The following ATP2B2 variants were observed in gnomAD, a reference collection of about 807,000 sequenced individuals.
ATP2B2 encodes ATPase plasma membrane Ca2+ transporting 2.
ATP2B2 carries 15 observed loss-of-function variants against 120.0 expected under a neutral mutation model. That is an observed-to-expected ratio of 0.12 (90% CI 0.08 to 0.19). The LOEUF (loss-of-function observed/expected upper bound fraction) is 0.19, where lower values mean the gene tolerates loss of function less well. Ranked by LOEUF, ATP2B2 falls within the 10% of genes least tolerant of loss-of-function variation. The pLI, the probability that ATP2B2 is intolerant of heterozygous loss-of-function variation, is 1.00. For synonymous variants in ATP2B2, 694 were observed against 700.3 expected, an observed-to-expected ratio of 0.99 and a Z score of 0.14; for missense variants, 1,045 against 1,719.8, an observed-to-expected ratio of 0.61 and a Z score of 6.94.
chr3:10,672,110 A>T (rs1559514289), intron 1 of ATP2B2, among the ~76,000 whole-genome samples: 1 of 152,220 alleles, frequency 6.6e-6, no homozygotes, highest in Non-Finnish European at 1.5e-5. Context: ...TTGGGTCTGC[A>T]AACTCTTGGC....
rs546509731 is a variant in ATP2B2, at chr3:10,510,920, C to A, written c.-320+23119G>T. Among the ~76,000 whole-genome samples the A allele has an allele frequency of 4.6e-5, 7 of 152,344 alleles. 1 individual carries two copies. In the South Asian group the frequency reaches 1.4e-3, roughly 32 times the overall value. On this transcript the variant is annotated intron_variant, in intron 3 of 21. Coordinates refer to the ATP2B2 transcript ENST00000646379. ...CTCCCCCCTCCTCCCCTGCCATCCC[C>A]TGGCCATTTCCTAACTCCCTGCAGC...
intron 5 of ATP2B2, among the ~76,000 whole-genome samples, chr3:10,399,846 C>T (rs745492216): frequency 2.0e-5 from 3 of 152,232 alleles, no homozygotes; most frequent in Non-Finnish European, 4.4e-5. Flanking sequence ...CAGCTCAACG[C>T]CACCTCCTCC....
intron 2 of ATP2B2, among the ~76,000 whole-genome samples, chr3:10,608,904 C>CCAG (rs2069153766): frequency 6.6e-6 from 1 of 152,056 alleles, no homozygotes; most frequent in Non-Finnish European, 1.5e-5. Context: ...GCACAAGGCC[C>CCAG]TCAATAAACA....
intron 2 of ATP2B2, among the ~76,000 whole-genome samples, chr3:10,559,740 C>G (rs2067860972): frequency 1.3e-5 from 2 of 152,174 alleles, no homozygotes; most frequent in South Asian, 4.1e-4. Flanking sequence ...CAAGATTTAT[C>G]TTGGGCTTGA....
chr3:10,533,236 T>C (rs898667373), intron 3 of ATP2B2, among the ~76,000 whole-genome samples: 2 of 152,184 alleles, frequency 1.3e-5, no homozygotes, highest in Non-Finnish European at 2.9e-5. Context: ...CTCACAGAGC[T>C]GCTGTATATG....
intron 8 of ATP2B2, 135 bp from the exon 9 acceptor site, chr3:10,379,419 G>A: frequency 9.6e-7 from 1 of 1,044,792 alleles, no homozygotes; most frequent in South Asian, 1.3e-5. Context: ...CTCTGTGTGG[G>A]GATACGGGTT....
intron 19 of ATP2B2, among the ~76,000 whole-genome samples, chr3:10,341,165 C>A (rs1164838098): frequency 3.3e-5 from 5 of 152,100 alleles, no homozygotes; most frequent in Non-Finnish European, 7.4e-5. Flanking sequence ...GATGCCAATT[C>A]CTATATGGAG....
At chr3:10,420,373 T>A (rs898536445) in intron 2 of ATP2B2, among the ~76,000 whole-genome samples, 4 of 152,030 alleles carry the variant, frequency 2.6e-5, no homozygotes, top group Non-Finnish European at 2.9e-5. Flanking sequence ...TTTTTTTTTT[T>A]TTTTTGAGAC....
chr3:10,430,215 G>A (rs2063273761), intron 2 of ATP2B2, among the ~76,000 whole-genome samples: 1 of 152,220 alleles, frequency 6.6e-6, no homozygotes, highest in African/African-American at 2.4e-5. Flanking sequence ...TGCAGCCCAT[G>A]AGTCAAGGAG....
intron 1 of ATP2B2, among the ~76,000 whole-genome samples, chr3:10,685,395 T>C (rs1171280538): frequency 6.6e-6 from 1 of 152,176 alleles, no homozygotes; most frequent in Admixed American, 6.5e-5. Context: ...AAGTGACTCT[T>C]GGAAGGCAAG....
At chr3:10,543,169 T>C (rs886139861) in intron 2 of ATP2B2, among the ~76,000 whole-genome samples, 38 of 152,228 alleles carry the variant, frequency 2.5e-4, no homozygotes, top group African/African-American at 8.2e-4. Flanking sequence ...TTTAAAAAAC[T>C]TGATGAATGT....
chr3:10,364,341 T>C (rs1227072805), intron 12 of ATP2B2, among the ~76,000 whole-genome samples: 1 of 152,184 alleles, frequency 6.6e-6, no homozygotes, highest in Non-Finnish European at 1.5e-5. Context: ...TACTATATAC[T>C]TGAAAATGGT....
chr3:10,368,598 A>G (rs1320764393), intron 12 of ATP2B2, among the ~76,000 whole-genome samples: 4 of 151,450 alleles, frequency 2.6e-5, no homozygotes, highest in Non-Finnish European at 5.9e-5. Flanking sequence ...CCATCCGCCA[A>G]TGAACACATC....
intron 3 of ATP2B2, among the ~76,000 whole-genome samples, chr3:10,525,066 GC>G (rs1470637941): frequency 6.6e-6 from 1 of 152,194 alleles, no homozygotes; most frequent in East Asian, 1.9e-4. Context: ...TCCCTCTGGG[GC>G]CAAGGCCAGT....
At chr3:10,467,091 C>T (rs2064777211) in intron 1 of ATP2B2, among the ~76,000 whole-genome samples, 1 of 152,228 alleles carries the variant, frequency 6.6e-6, no homozygotes, top group African/African-American at 2.4e-5. Context: ...CTTCTACATG[C>T]TGACTTGTGA....
At chr3:10,508,066 C>T (rs1224334547), upstream of ATP2B2, among the ~76,000 whole-genome samples, 1 of 152,196 alleles carries the variant, frequency 6.6e-6, no homozygotes, top group Non-Finnish European at 1.5e-5. Context: ...GCCAAACTCT[C>T]AGGCAGTTGT....
intron 2 of ATP2B2, among the ~76,000 whole-genome samples, chr3:10,585,877 G>A (rs12490065): frequency 0.16 from 24,714 of 152,068 alleles, 2,676 homozygotes; most frequent in Middle Eastern, 0.29. Flanking sequence ...TGTTCCCTCT[G>A]TTCTGTCACT....
rs572382921 is a variant in ATP2B2, at chr3:10,324,190, C to G, written c.*4624G>C. On this transcript the variant is annotated 3_prime_UTR_variant, in exon 23 of 23. Coordinates refer to ENST00000360273, the MANE Select transcript of ATP2B2 (RefSeq NM_001001331.4). ...GATTGTCCCAGAGCCCCCCAGAGCC[C>G]GGGCAGCTTACGGAAGCTGGAGGCG... is the stretch of plus-strand genomic sequence containing the variant. 1 of 152,112 alleles carries G rather than the reference C, an allele frequency of 6.6e-6. No homozygotes were observed. 9.4% of individuals were successfully genotyped at this position (152,112 alleles called of 1,614,324 possible).
intron 4 of ATP2B2, among the ~76,000 whole-genome samples, chr3:10,401,373 A>G (rs1175587988): frequency 6.6e-6 from 1 of 152,198 alleles, no homozygotes; most frequent in East Asian, 1.9e-4. Context: ...CTTGGAGTGC[A>G]GGTCTCCCAA....
Sources: gnomAD v4.1 joint callset for allele counts (sites outside exome capture counted in the v4.1 genomes callset) on GRCh38, gnomAD v4.1.1 for gene constraint, MANE v1.5 for transcripts, NCBI Gene and HGNC (gene_info 2026-07-23, HGNC 2026-07-21) for gene names.